The following CRYBG2 variants were observed in gnomAD, a reference collection of about 807,000 sequenced individuals.
The protein encoded by CRYBG2 is beta/gamma crystallin domain-containing protein 2.
Under a neutral mutation model 153.4 loss-of-function variants are expected in CRYBG2, and 106 were observed. The ratio of observed to expected loss-of-function variants is 0.69; its 90% CI spans 0.59 to 0.81. CRYBG2 has a LOEUF of 0.81. CRYBG2 is among the 30% of genes least tolerant of loss of function. The probability of loss-of-function intolerance (pLI) is 0.00; values close to 1 mark genes in which losing one functional copy is unlikely to be tolerated. For synonymous variants in CRYBG2, 851 were observed against 877.8 expected, an observed-to-expected ratio of 0.97 and a Z score of 0.54; for missense variants, 1,996 against 2,112.0, an observed-to-expected ratio of 0.95 and a Z score of 1.08.
In CRYBG2 at chr1:26,346,041, G is replaced by A; in HGVS notation, c.617C>T (p.Ala206Val). Residue 206 changes from alanine (A) to valine (V), a missense_variant, in exon 2 of 20, where the codon GCC (alanine) becomes GTC (valine). Ala to Val is a moderately conservative substitution (Grantham distance 64). Coordinates refer to ENST00000308182, the MANE Select transcript of CRYBG2 (RefSeq NM_001039775.4). The surrounding 1 kb of genome is among the most constrained non-coding windows in gnomAD (Gnocchi z 4.9). ...VTVRPVSSGEALPRGRQVSRM... is the reference protein window; with the variant it reads ...VTVRPVSSGEVLPRGRQVSRM... ...GGAGACCTGACGGCCCCGTGGCAGG[G>A]CCTCGCCTGAGGACACTGGCCTCAC... 6.3e-7 allele frequency: 1 copy of A among 1,591,868 alleles called. No homozygotes were observed. The highest frequency in any genetic ancestry group is 8.5e-7 in the Non-Finnish European group (1 of 1,176,458).
At position 26,337,693 on chromosome 1, in the gene CRYBG2, CA is replaced by C. The variant is rs2074079286; in HGVS notation, c.3508-20del. ...CCACAGCCTGGGGGAAAGGGGCTGT[CA>C]GGAGTCATCTGGACCCAAACACACC... is the stretch of plus-strand genomic sequence containing the variant. On this transcript the variant is annotated intron_variant, in intron 8 of 19. Coordinates refer to ENST00000308182, the MANE Select transcript of CRYBG2 (RefSeq NM_001039775.4). 1.2e-6 allele frequency: 2 copies of C among 1,607,370 alleles called. No homozygotes were observed. Among genetic ancestry groups the C allele is most frequent in the Non-Finnish European group, 1.7e-6 (2 of 1,179,508 alleles).
intron 1 of CRYBG2, among the ~76,000 whole-genome samples, chr1:26,349,711 T>C (rs1046095332): frequency 1.3e-5 from 2 of 152,140 alleles, no homozygotes; most frequent in Admixed American, 6.5e-5. Context: ...GTGATTGGGT[T>C]ATGAGGGCTA....
chr1:26,349,386 C>T (rs1313060241), intron 1 of CRYBG2, among the ~76,000 whole-genome samples: 2 of 152,050 alleles, frequency 1.3e-5, no homozygotes, highest in African/African-American at 4.8e-5. Flanking sequence ...CTTCTGATTT[C>T]ACATCCAGGC....
intron 14 of CRYBG2, among the ~76,000 whole-genome samples, chr1:26,333,045 A>AAAAAAAAAAAAAAAAAAAAAAC (rs2074016334): frequency 7.2e-6 from 1 of 138,736 alleles, no homozygotes; most frequent in Non-Finnish European, 1.5e-5. Flanking sequence ...AAAAAAAAAA[A>AAAAAAAAAAAAAAAAAAAAAAC]AGATTTCTAA....
chr1:26,346,491 T>A lies in CRYBG2; in HGVS notation c.167A>T (p.Glu56Val). Residue 56 changes from glutamate (E) to valine (V), a missense_variant, in exon 2 of 20, where the codon GAG becomes GTG. Physicochemically the swap from Glu to Val is moderately radical, Grantham distance 121. Transcript: ENST00000308182. This position sits in a 1 kb window ranked among gnomAD's most constrained non-coding sequence, Gnocchi z 4.9. ...QMEAPQKEMF[E>V]FSRREEVEVN... Reference sequence around the variant, plus strand: ...TTCCACTTCCTCTCGACGGCTGAACTCAAACATCTCCTTCTGCGGGGCTTC... The same window carrying A: ...TTCCACTTCCTCTCGACGGCTGAACACAAACATCTCCTTCTGCGGGGCTTC... 6.2e-7 allele frequency: 1 copy of A among 1,612,412 alleles called. No homozygotes were observed. The highest frequency in any genetic ancestry group is 1.1e-5 in the South Asian group (1 of 91,058).
rs2074223814 is a variant in CRYBG2 at position 26,346,516 on chromosome 1, C to T, written c.142G>A (p.Glu48Lys). Residue 48 changes from glutamate to lysine, a missense_variant, in exon 2 of 20, where the codon GAA (glutamate) becomes AAA (lysine). Coordinates refer to ENST00000308182, the MANE Select transcript of CRYBG2 (RefSeq NM_001039775.4). The surrounding 1 kb of genome is among the most constrained non-coding windows in gnomAD (Gnocchi z 4.9). ...TCAAACATCTCCTTCTGCGGGGCTT[C>T]CATCTGGGCCCCTGACACCAGGGAC... Reference protein sequence around the residue: ...KVSLVSGAQMEAPQKEMFEFS... With the variant: ...KVSLVSGAQMKAPQKEMFEFS... 2.5e-6 allele frequency: 4 copies of T among 1,613,498 alleles called. No homozygotes were observed. The highest frequency in any genetic ancestry group is 3.4e-6 in the Non-Finnish European group (4 of 1,179,814).
In CRYBG2 at chr1:26,345,354, C is replaced by T. The variant is rs547238654; in HGVS notation, c.1304G>A (p.Gly435Asp). 6.2e-7 allele frequency: 1 copy of T among 1,613,428 alleles called. No homozygotes were observed. Among genetic ancestry groups the T allele is most frequent in the East Asian group, 2.2e-5 (1 of 44,886 alleles). ...TRRKDVPSPG[G>D]LSAPSSPRNK... ...CCTTGGGGACGATGGAGCAGAAAGA[C>T]CTCCTGGGCTGGGGACATCCTTCCT... The change falls in exon 2 of 20, where the codon GGT (glycine) becomes GAT (aspartate). Residue 435 changes from glycine (G) to aspartate (D), a missense_variant. Transcript: ENST00000308182.
Position 26,343,294 on chromosome 1 carries a change from C to A in CRYBG2, c.2914-1G>T. ...TGCCCTGGGTCTTTAAGGCTGGGCT[C>A]TGAAACGGAGGCAGGTGATAAAGAA... On this transcript the variant is annotated splice_acceptor_variant, in intron 2 of 19. Coordinates refer to ENST00000308182, the MANE Select transcript of CRYBG2 (RefSeq NM_001039775.4). LOFTEE classifies it high-confidence loss of function. This position sits in a 1 kb window ranked among gnomAD's most constrained non-coding sequence, Gnocchi z 4.1. 1 of 1,550,322 alleles carries A rather than the reference C, an allele frequency of 6.5e-7. No individual in the cohort carries two copies. The highest frequency in any genetic ancestry group is 8.7e-7 in the Non-Finnish European group (1 of 1,146,944).
At chr1:26,322,083 TAGGGAGATAGTCAGAGAG>T in intron 19 of CRYBG2, 27 bp from the exon 20 acceptor site, 1 of 1,601,780 alleles carries the variant, frequency 6.2e-7, no homozygotes, top group East Asian at 2.2e-5. Context: ...GATTAAAAGA[TAGGGAGATAGTCAGAGAG>T]AGCTGGGACT....
intron 15 of CRYBG2, 24 bp downstream of exon 15, chr1:26,331,465 C>A (rs1431205988): frequency 6.2e-7 from 1 of 1,601,158 alleles, no homozygotes; most frequent in East Asian, 2.2e-5. Context: ...CCGGGATTGC[C>A]TGGAACCAGA....
chr1:26,346,718 G>A lies in CRYBG2; in HGVS notation c.-55-6C>T. 1 of 1,451,320 alleles carries A rather than the reference G, an allele frequency of 6.9e-7. No homozygotes were observed. The allele number at this position is 1,451,320 out of a possible 1,614,324, so 89.9% of individuals were successfully genotyped here. ...TCCCACTGTGGTCCAGCTCCCTGCA[G>A]AGGAATAAGAAAGATGAGGGTCAGA... On this transcript the variant is annotated splice_polypyrimidine_tract_variant and splice_region_variant and intron_variant, in intron 1 of 19. Coordinates refer to ENST00000308182, the MANE Select transcript of CRYBG2 (RefSeq NM_001039775.4). The surrounding 1 kb of genome is among the most constrained non-coding windows in gnomAD (Gnocchi z 4.9).
At chr1:26,337,087 T>A (rs2074070047) in intron 10 of CRYBG2, 107 bp from the exon 11 acceptor site, 1 of 1,562,616 alleles carries the variant, frequency 6.4e-7, no homozygotes, top group Admixed American at 1.8e-5. Flanking sequence ...GGTGAGGCTG[T>A]CAGTACGACC....
chr1:26,324,911 T>C (rs2073905026), intron 17 of CRYBG2: 1 of 152,150 alleles, frequency 6.6e-6, no homozygotes, highest in Non-Finnish European at 1.5e-5. Flanking sequence ...ATAACAATAA[T>C]CACAGCTAAC....
chr1:26,321,899 C>A lies in CRYBG2; in HGVS notation c.*69G>T, dbSNP rs2073860277. Reference sequence around the variant, plus strand: ...GCATATTAGAAAATAGCTTATGTTACAACAAAAACCCTATAAAAACATTCA... The same window carrying A: ...GCATATTAGAAAATAGCTTATGTTAAAACAAAAACCCTATAAAAACATTCA... On this transcript the variant is annotated 3_prime_UTR_variant, in exon 20 of 20. Transcript: ENST00000308182. 4 of 1,341,188 alleles carry A rather than the reference C, an allele frequency of 3.0e-6. No individual in the cohort carries two copies. In the South Asian group the frequency reaches 6.2e-5, roughly 21 times the overall value. 83.1% of individuals were successfully genotyped at this position (1,341,188 alleles called of 1,614,324 possible). A position where few individuals can be genotyped will look rare whatever the true frequency, so the allele number is the denominator to read the frequency against.
chr1:26,337,803 C>A, intron 8 of CRYBG2, 129 bp from the exon 9 acceptor site: 2 of 1,374,868 alleles, frequency 1.5e-6, no homozygotes, highest in South Asian at 1.4e-5. Context: ...AACTCCATCC[C>A]CTTACCCAAT....
chr1:26,347,136 G>A (rs575007758), intron 1 of CRYBG2, among the ~76,000 whole-genome samples: 1 of 152,278 alleles, frequency 6.6e-6, no homozygotes, highest in South Asian at 2.1e-4. Context: ...ACTCTGTTCA[G>A]GGAAGATGGG....
intron 1 of CRYBG2, among the ~76,000 whole-genome samples, chr1:26,347,800 TTTA>T (rs2074242405): frequency 6.6e-6 from 1 of 152,024 alleles, no homozygotes; most frequent in Non-Finnish European, 1.5e-5. Flanking sequence ...CCAGCTAGTT[TTTA>T]TTTTGTACTT....
chr1:26,328,457 C>A, intron 16 of CRYBG2, 125 bp from the exon 17 acceptor site: 1 of 1,397,072 alleles, frequency 7.2e-7, no homozygotes, highest in South Asian at 1.4e-5. Flanking sequence ...AGGGATTCCT[C>A]TGCCTGGAAT....
rs144282899 is a variant in CRYBG2 at position 26,324,220 on chromosome 1, C to T, written c.4669G>A (p.Val1557Met). ...HVEDMKAGRV[V>M]VADPQAGGSC... ...CCTCCAGCTTGGGGGTCGGCGACCA[C>T]CACACGGCCTGCTTTCATGTCCTCC... The change falls in exon 18 of 20, where the codon GTG becomes ATG. Residue 1557 changes from valine to methionine, a missense_variant. Transcript: ENST00000308182. 6.2e-7 allele frequency: 1 copy of T among 1,613,250 alleles called. No individual in the cohort carries two copies. The highest frequency in any genetic ancestry group is 8.5e-7 in the Non-Finnish European group (1 of 1,180,000).
Sources: allele counts gnomAD v4.1 joint callset (sites outside exome capture counted in the v4.1 genomes callset), GRCh38; gene constraint gnomAD v4.1.1; non-coding constraint Gnocchi (gnomAD v3.1); transcripts MANE v1.5; gene names NCBI Gene and HGNC (gene_info 2026-07-23, HGNC 2026-07-21).